The following GRM7 variants were observed in gnomAD, a reference collection of about 807,000 sequenced individuals.
GRM7 encodes the protein metabotropic glutamate receptor 7.
In GRM7, 35 loss-of-function variants were observed where a neutral mutation model predicts 84.5. The observed-to-expected ratio is 0.41, with a 90% CI of 0.32 to 0.55. The LOEUF (loss-of-function observed/expected upper bound fraction) is 0.55. Ranked by LOEUF, GRM7 falls within the 20% of genes least tolerant of loss-of-function variation. The pLI is 0.19. For missense variants in GRM7, 1,003 were observed against 1,194.6 expected (o/e 0.84, Z 2.36); for synonymous variants, 487 against 455.1 (o/e 1.07, Z -0.89).
intron 1 of GRM7, among the ~76,000 whole-genome samples, chr3:6,997,993 C>T (rs1410521899): frequency 6.6e-6 from 1 of 151,476 alleles, no homozygotes; most frequent in African/African-American, 2.4e-5. Context: ...GTGGCCTGCA[C>T]CTGTAATACC....
chr3:7,658,215 A>C (rs1255082386), intron 8 of GRM7, among the ~76,000 whole-genome samples: 1 of 152,224 alleles, frequency 6.6e-6, no homozygotes, highest in Non-Finnish European at 1.5e-5. Flanking sequence ...TATCATGGTT[A>C]ATTTTATAAG....
At chr3:6,905,911 G>C (rs1333263200) in intron 1 of GRM7, among the ~76,000 whole-genome samples, 1 of 152,140 alleles carries the variant, frequency 6.6e-6, no homozygotes, top group Non-Finnish European at 1.5e-5. Context: ...TCATAGTCAT[G>C]ATTTTCTGAT....
At chr3:7,182,894 G>GTTTT (rs1461335508) in intron 2 of GRM7, among the ~76,000 whole-genome samples, 2 of 97,156 alleles carry the variant, frequency 2.1e-5, no homozygotes. Flanking sequence ...TAACGTGAAA[G>GTTTT]TGTTTTTTTT....
At chr3:7,319,412 C>T (rs1419372583) in intron 4 of GRM7, among the ~76,000 whole-genome samples, 1 of 151,998 alleles carries the variant, frequency 6.6e-6, no homozygotes, top group Non-Finnish European at 1.5e-5. Flanking sequence ...AAATGAAAGA[C>T]TTGTGATGGA....
intron 4 of GRM7, among the ~76,000 whole-genome samples, chr3:7,383,382 G>C (rs1694662913): frequency 6.6e-6 from 1 of 152,158 alleles, no homozygotes; most frequent in Non-Finnish European, 1.5e-5. Flanking sequence ...ATGGTTTATG[G>C]AGGGATAGAA....
chr3:7,025,115 C>G (rs1695932147), intron 1 of GRM7, among the ~76,000 whole-genome samples: 1 of 152,134 alleles, frequency 6.6e-6, no homozygotes, highest in South Asian at 2.1e-4. Flanking sequence ...CATTCTTCCT[C>G]CTTTGCATCA....
In GRM7 at chr3:7,452,647, G is replaced by C; in HGVS notation, c.1215G>C (p.Glu405Asp). 6.2e-7 allele frequency: 1 copy of C among 1,613,420 alleles called. No homozygotes were observed. Residue 405 changes from glutamate to aspartate, a missense_variant, in exon 6 of 10, where the codon GAG (glutamate) becomes GAC (aspartate). This residue lies in a region of GRM7 where 910 missense variants were observed against 1,126.0 expected (regional missense o/e 0.81). Transcript: ENST00000357716. Reference sequence around the variant, plus strand: ...GAAAAGATTCCAACTATGAGCAGGAGGGTAAAGTCCAGTTCGTGATTGACG... The same window carrying C: ...GAAAAGATTCCAACTATGAGCAGGACGGTAAAGTCCAGTTCGTGATTGACG... ...RIGKDSNYEQ[E>D]GKVQFVIDAV...
chr3:7,300,302 C>T (rs973253432), intron 3 of GRM7, among the ~76,000 whole-genome samples: 2 of 152,194 alleles, frequency 1.3e-5, no homozygotes, highest in African/African-American at 4.8e-5. Flanking sequence ...TCTTTCCCTG[C>T]TTTGTGTATC....
chr3:7,386,280 A>T (rs985372782), intron 4 of GRM7, among the ~76,000 whole-genome samples: 5 of 152,174 alleles, frequency 3.3e-5, no homozygotes, highest in African/African-American at 7.2e-5. Context: ...TAATGTTTTT[A>T]AAAAATTTTA....
At chr3:7,156,177 A>G (rs1446124851) in intron 2 of GRM7, among the ~76,000 whole-genome samples, 2 of 152,202 alleles carry the variant, frequency 1.3e-5, no homozygotes, top group Admixed American at 1.3e-4. Context: ...TAGTCATGAA[A>G]CAAAAAGATC....
chr3:7,349,256 A>T (rs1463262007), intron 4 of GRM7, among the ~76,000 whole-genome samples: 2 of 152,124 alleles, frequency 1.3e-5, no homozygotes, highest in Admixed American at 6.6e-5. Flanking sequence ...ACAGCTTGAC[A>T]TAAATTTCTT....
intron 4 of GRM7, among the ~76,000 whole-genome samples, chr3:7,318,262 G>A (rs1396410): frequency 0.33 from 49,754 of 151,858 alleles, 8,853 homozygotes; most frequent in Middle Eastern, 0.42. Context: ...TAGGAAAGCA[G>A]GAACTTGGTG....
chr3:7,258,503 C>A (rs1279305949), intron 2 of GRM7, among the ~76,000 whole-genome samples: 1 of 152,178 alleles, frequency 6.6e-6, no homozygotes, highest in African/African-American at 2.4e-5. Flanking sequence ...AGATACACAT[C>A]CGTCTAAAAG....
At chr3:7,693,226 G>T (rs1016560400) in intron 9 of GRM7, among the ~76,000 whole-genome samples, 1 of 152,078 alleles carries the variant, frequency 6.6e-6, no homozygotes, top group Non-Finnish European at 1.5e-5. Flanking sequence ...TTCATATACA[G>T]ATGGTTATAA....
At chr3:7,552,661 C>G (rs1270757099) in intron 7 of GRM7, among the ~76,000 whole-genome samples, 1 of 152,232 alleles carries the variant, frequency 6.6e-6, no homozygotes, top group Non-Finnish European at 1.5e-5. Context: ...GGCTTGCACC[C>G]TCTGAAGCAG....
chr3:7,352,036 T>C (rs1177630779), intron 4 of GRM7, among the ~76,000 whole-genome samples: 4 of 136,932 alleles, frequency 2.9e-5, no homozygotes. Context: ...ATTCTCTCTC[T>C]CTCTCACACA....
At chr3:7,106,428 T>G (rs557259051) in intron 1 of GRM7, among the ~76,000 whole-genome samples, 1 of 151,780 alleles carries the variant, frequency 6.6e-6, no homozygotes, top group African/African-American at 2.4e-5. Context: ...ACATGCTGGG[T>G]TTTTAAACAT....
rs372132445 is a variant in GRM7, at chr3:7,052,720, G to GTTTTTTTTTT, written c.520-93724_520-93715dup. ...ATGCATGTTATTGCAAGTATCGGTAGTTTTTTTTTTTTTTTTTGCATTGCC... is the reference window on the plus strand; with the variant it reads ...ATGCATGTTATTGCAAGTATCGGTAGTTTTTTTTTTTTTTTTTTTTTTTTTTTGCATTGCC... On this transcript the variant is annotated intron_variant, in intron 1 of 9. Transcript: ENST00000357716. 1.7e-3 allele frequency among the ~76,000 whole-genome samples: 170 copies of GTTTTTTTTTT among 101,408 alleles called. 2 individuals carry two copies. Among genetic ancestry groups the GTTTTTTTTTT allele is most frequent in the East Asian group, 5.0e-3 (17 of 3,426 alleles). The allele number at this position is 101,408 out of a possible 152,430, so 66.5% of individuals were successfully genotyped here.
chr3:7,557,259 T>C (rs889080739), intron 7 of GRM7, among the ~76,000 whole-genome samples: 1 of 152,032 alleles, frequency 6.6e-6, no homozygotes, highest in African/African-American at 2.4e-5. Context: ...GCTTAGAGGA[T>C]AAAATCAGTA....
Sources: gnomAD v4.1 joint callset for allele counts (sites outside exome capture counted in the v4.1 genomes callset) on GRCh38, gnomAD v4.1.1 for gene constraint, gnomAD v4.1.1 regional missense constraint, MANE v1.5 for transcripts, NCBI Gene and HGNC (gene_info 2026-07-23, HGNC 2026-07-21) for gene names.